The following SIL1 variants were observed in gnomAD, a reference collection of about 807,000 sequenced individuals.
The protein encoded by SIL1 is SIL1 nucleotide exchange factor.
A neutral mutation model predicts 49.1 loss-of-function variants in SIL1; 40 were observed. The ratio of observed to expected loss-of-function variants is 0.81; its 90% CI spans 0.63 to 1.06. SIL1 has a LOEUF of 1.06. Among genes scored for constraint, SIL1 ranks in the 50% least tolerant of loss-of-function variants. The pLI, the probability that SIL1 is intolerant of heterozygous loss-of-function variation, is 0.00. For synonymous variants in SIL1, 253 were observed against 250.8 expected (o/e 1.01, Z -0.08); for missense variants, 500 against 572.6 (o/e 0.87, Z 1.29).
At chr5:138,993,429 C>T (rs1050441469) in intron 7 of SIL1, among the ~76,000 whole-genome samples, 32 of 152,200 alleles carry the variant, frequency 2.1e-4, no homozygotes, top group Non-Finnish European at 2.8e-4. Flanking sequence ...CATTTTCTGT[C>T]ACTTCCAGAA....
chr5:139,029,808 G>C (rs531545781), intron 5 of SIL1, among the ~76,000 whole-genome samples: 1 of 151,070 alleles, frequency 6.6e-6, no homozygotes, highest in African/African-American at 2.4e-5. Flanking sequence ...CAAGTTTTTA[G>C]TTTTCTGTAA....
intron 3 of SIL1, among the ~76,000 whole-genome samples, chr5:139,093,151 T>A (rs1339861897): frequency 6.6e-6 from 1 of 152,116 alleles, no homozygotes; most frequent in African/African-American, 2.4e-5. Context: ...AAAAGGCAAG[T>A]TCAGCCCCAT....
intron 7 of SIL1, among the ~76,000 whole-genome samples, chr5:138,979,043 A>G (rs1198023950): frequency 2.0e-5 from 3 of 151,904 alleles, no homozygotes; most frequent in Non-Finnish European, 4.4e-5. Context: ...TTTGAAGCAC[A>G]AGAGTATTTA....
intron 7 of SIL1, among the ~76,000 whole-genome samples, chr5:138,972,276 A>C (rs1033730599): frequency 7.2e-5 from 11 of 152,154 alleles, no homozygotes; most frequent in African/African-American, 2.7e-4. Context: ...TGCCACCATT[A>C]CTTGTCCACT....
intron 1 of SIL1, among the ~76,000 whole-genome samples, chr5:139,145,483 A>C (rs1751172836): frequency 6.6e-6 from 1 of 152,214 alleles, no homozygotes; most frequent in African/African-American, 2.4e-5. Context: ...GTAGATACCC[A>C]AAAGATGTGA....
At chr5:139,119,204 T>C (rs1750554028) in intron 3 of SIL1, among the ~76,000 whole-genome samples, 5 of 152,202 alleles carry the variant, frequency 3.3e-5, no homozygotes, top group Admixed American at 3.3e-4. Context: ...GAGTCCACAG[T>C]CCACTCTTGT....
chr5:138,983,403 G>C (rs1767576031), intron 7 of SIL1, among the ~76,000 whole-genome samples: 1 of 151,582 alleles, frequency 6.6e-6, no homozygotes, highest in Non-Finnish European at 1.5e-5. Flanking sequence ...AGGTACTCGG[G>C]AGGCTGAGGC....
At position 138,948,657 on chromosome 5, in the gene SIL1, G is replaced by A. The variant is rs1227109866; in HGVS notation, c.1030-1184C>T. 6.6e-6 allele frequency among the ~76,000 whole-genome samples: 1 copy of A among 151,894 alleles called. No individual in the cohort carries two copies. The highest frequency in any genetic ancestry group is 2.4e-5 in the African/African-American group (1 of 41,322). ...CCGCATTGGCCCCATTCACTCCACG[G>A]CTCCCTGCACACCTCACCGCCACTG... On this transcript the variant is annotated intron_variant, in intron 9 of 9. Coordinates refer to ENST00000394817, the MANE Select transcript of SIL1 (RefSeq NM_022464.5). This position sits in a 1 kb window ranked among gnomAD's most constrained non-coding sequence, Gnocchi z 4.8.
intron 3 of SIL1, among the ~76,000 whole-genome samples, chr5:139,056,811 G>A (rs1334022231): frequency 2.6e-5 from 4 of 152,072 alleles, no homozygotes; most frequent in Non-Finnish European, 5.9e-5. Context: ...CCCCGTCTGG[G>A]AGGTGTACCC....
At position 139,026,896 on chromosome 5, in the gene SIL1, T is replaced by C. The variant is rs754486382; in HGVS notation, c.550A>G (p.Ile184Val). Residue 184 changes from isoleucine to valine, a missense_variant, in exon 6 of 10, where the codon ATC (isoleucine) becomes GTC (valine). Transcript: ENST00000394817. ...LNVVIETDMQ[I>V]MVRLINKFNS... is the part of the protein sequence containing the mutation. ...AACTTGTTGATCAGCCGTACCATGA[T>C]CTGCATGTCAGTCTCAATGACAACA... 1.1e-5 allele frequency: 17 copies of C among 1,614,254 alleles called. No individual in the cohort carries two copies. The highest frequency in any genetic ancestry group is 2.2e-5 in the South Asian group (2 of 91,086).
intron 1 of SIL1, among the ~76,000 whole-genome samples, chr5:139,178,390 C>T (rs1751924173): frequency 6.6e-6 from 1 of 152,232 alleles, no homozygotes; most frequent in Non-Finnish European, 1.5e-5. Flanking sequence ...CCACCACCAA[C>T]TCTCCAAAGG....
intron 3 of SIL1, chr5:139,051,254 G>A: frequency 1.7e-6 from 1 of 599,050 alleles, no homozygotes; most frequent in Non-Finnish European, 3.0e-6. Context: ...ATCTGTAAGG[G>A]AATGACGTAA....
At chr5:139,197,072 CAG>C (rs1752288849) in intron 1 of SIL1, among the ~76,000 whole-genome samples, 1 of 152,042 alleles carries the variant, frequency 6.6e-6, no homozygotes, top group Non-Finnish European at 1.5e-5. Context: ...AGTTCGAGAC[CAG>C]CCTGATCAAC....
At chr5:139,072,277 A>G (rs1769851730) in intron 3 of SIL1, among the ~76,000 whole-genome samples, 1 of 152,234 alleles carries the variant, frequency 6.6e-6, no homozygotes, top group Non-Finnish European at 1.5e-5. Context: ...AAAATAACTC[A>G]GAATACCAGT....
At chr5:139,187,085 C>T (rs530538031) in intron 1 of SIL1, among the ~76,000 whole-genome samples, 4 of 152,300 alleles carry the variant, frequency 2.6e-5, no homozygotes, top group African/African-American at 9.6e-5. Flanking sequence ...AACCCATATC[C>T]TTGAGAAGCT....
At chr5:139,084,455 T>C (rs1284920581) in intron 3 of SIL1, among the ~76,000 whole-genome samples, 2 of 89,122 alleles carry the variant, frequency 2.2e-5, no homozygotes, top group African/African-American at 4.4e-5. Context: ...TATGCAGCCA[T>C]AAAAAATGAT....
chr5:139,063,540 C>T (rs1321873953), intron 3 of SIL1, among the ~76,000 whole-genome samples: 3 of 152,242 alleles, frequency 2.0e-5, no homozygotes, highest in Non-Finnish European at 4.4e-5. Context: ...TCTTCCGGCT[C>T]TCTAATCCCA....
chr5:139,105,172 ACTC>A (rs1321221526), intron 3 of SIL1, among the ~76,000 whole-genome samples: 1 of 151,198 alleles, frequency 6.6e-6, no homozygotes, highest in Non-Finnish European at 1.5e-5. Flanking sequence ...ATGTGAAAAA[ACTC>A]CTCCATCTCA....
chr5:139,154,713 A>G (rs1487939287), intron 1 of SIL1, among the ~76,000 whole-genome samples: 1 of 152,138 alleles, frequency 6.6e-6, no homozygotes, highest in African/African-American at 2.4e-5. Flanking sequence ...GGAGACCTTT[A>G]CTCCAGCTAA....
Sources: gnomAD v4.1 joint callset for allele counts (sites outside exome capture counted in the v4.1 genomes callset) on GRCh38, gnomAD v4.1.1 for gene constraint, Gnocchi (gnomAD v3.1) non-coding constraint, MANE v1.5 for transcripts, NCBI Gene and HGNC (gene_info 2026-07-23, HGNC 2026-07-21) for gene names.